Variants in PTPRC observed in about 807,000 individuals in gnomAD.
PTPRC encodes the protein receptor-type tyrosine-protein phosphatase C.
In PTPRC, 44 loss-of-function variants were observed where a neutral mutation model predicts 155.9. That is an observed-to-expected ratio of 0.28 (90% CI 0.22 to 0.36). The LOEUF is 0.36. Ranked by LOEUF, PTPRC falls within the 10% of genes least tolerant of loss-of-function variation. The pLI, the probability that PTPRC is intolerant of heterozygous loss-of-function variation, is 1.00. For synonymous variants in PTPRC, 525 were observed against 533.1 expected (o/e 0.98, Z 0.21); for missense variants, 1,401 against 1,564.6 (o/e 0.90, Z 1.76).
At chr1:198,706,990 A>G in intron 9 of PTPRC, 38 bp downstream of exon 9, 1 of 1,499,046 alleles carries the variant, frequency 6.7e-7, no homozygotes, top group Non-Finnish European at 9.3e-7. Context: ...AATTTATAAA[A>G]ACAGTACACT....
chr1:198,749,327 C>A, intron 27 of PTPRC, 89 bp from the exon 28 acceptor site: 3 of 1,338,336 alleles, frequency 2.2e-6, no homozygotes, highest in Non-Finnish European at 2.1e-6. Context: ...CAATCTGTCC[C>A]TTTTTAAATA....
At chr1:198,678,143 A>C (rs1357339596) in intron 2 of PTPRC, among the ~76,000 whole-genome samples, 1 of 152,240 alleles carries the variant, frequency 6.6e-6, no homozygotes, top group African/African-American at 2.4e-5. Context: ...CCATAGGCAC[A>C]AACTATAGCA....
chr1:198,691,299 C>T lies in PTPRC; in HGVS notation c.74-1048C>T, dbSNP rs771672687. ...AAATCTCAAGCAAATTCTGATTCAC[C>T]TCTCTACTCACTGTTTATTACTCTC... On this transcript the variant is annotated intron_variant, in intron 2 of 32. Coordinates refer to ENST00000442510, the MANE Select transcript of PTPRC (RefSeq NM_002838.5). Among the ~76,000 whole-genome samples the T allele has an allele frequency of 3.0e-4, 45 of 152,136 alleles. 1 individual carries two copies. The highest frequency in any genetic ancestry group is 6.8e-3 in the Middle Eastern group (2 of 294).
chr1:198,717,207 G>A (rs994832769), intron 13 of PTPRC, among the ~76,000 whole-genome samples: 1 of 152,156 alleles, frequency 6.6e-6, no homozygotes, highest in Non-Finnish European at 1.5e-5. Flanking sequence ...GTCTCATAAA[G>A]CATTAGCCTA....
chr1:198,750,829 C>T (rs1017048906), intron 29 of PTPRC, among the ~76,000 whole-genome samples: 1 of 151,924 alleles, frequency 6.6e-6, no homozygotes, highest in African/African-American at 2.4e-5. Flanking sequence ...CCTGTTTGTC[C>T]CCTCCAGTCT....
intron 2 of PTPRC, among the ~76,000 whole-genome samples, chr1:198,674,843 A>G (rs1181294525): frequency 6.6e-6 from 1 of 152,168 alleles, no homozygotes; most frequent in Non-Finnish European, 1.5e-5. Context: ...ACATTTGCCA[A>G]GGTTACATTT....
intron 12 of PTPRC, among the ~76,000 whole-genome samples, chr1:198,714,645 C>A (rs958343305): frequency 3.3e-5 from 5 of 152,204 alleles, no homozygotes; most frequent in Non-Finnish European, 7.3e-5. Context: ...CTCTAAACAG[C>A]GTGCTCCGCT....
Position 198,706,942 on chromosome 1 carries a change from T to A in PTPRC, c.894T>A (p.Asp298Glu), listed in dbSNP as rs781663658. 1 of 1,594,490 alleles carries A rather than the reference T, an allele frequency of 6.3e-7. No homozygotes were observed. ...CTAPDKTLILDVPPGVEKFQL... is the reference protein window; with the variant it reads ...CTAPDKTLILEVPPGVEKFQL... Reference sequence around the variant, plus strand: ...CTCCTGATAAGACATTAATATTAGATGTGCCACCAGGTAAATATCAATTTA... The same window carrying A: ...CTCCTGATAAGACATTAATATTAGAAGTGCCACCAGGTAAATATCAATTTA... The change falls in exon 9 of 33, where the codon GAT becomes GAA. Residue 298 changes from aspartate to glutamate, a missense_variant. Asp to Glu is a conservative substitution (Grantham distance 45). Transcript: ENST00000442510.
chr1:198,662,146 G>A (rs1242422730), intron 2 of PTPRC, among the ~76,000 whole-genome samples: 1 of 152,086 alleles, frequency 6.6e-6, no homozygotes, highest in Non-Finnish European at 1.5e-5. Flanking sequence ...ATGTATTGAT[G>A]TATTGGCTAT....
chr1:198,681,182 C>T (rs879893860), intron 2 of PTPRC, among the ~76,000 whole-genome samples: 390 of 152,092 alleles, frequency 2.6e-3, no homozygotes, highest in Admixed American at 4.4e-3. Flanking sequence ...TGATCCTTTT[C>T]AGGATTTATT....
chr1:198,728,242 A>C, intron 15 of PTPRC, 98 bp from the exon 16 acceptor site: 1 of 886,182 alleles, frequency 1.1e-6, no homozygotes, highest in Non-Finnish European at 1.7e-6. Context: ...CAATAAATTT[A>C]AAAATATTAA....
chr1:198,712,922 A>G (rs752692620), intron 11 of PTPRC, 31 bp from the exon 12 acceptor site: 3 of 1,594,976 alleles, frequency 1.9e-6, no homozygotes, highest in Non-Finnish European at 2.6e-6. Context: ...CTTATTTTTC[A>G]TATTACATAA....
chr1:198,739,852 TA>T (rs141418006), intron 23 of PTPRC, among the ~76,000 whole-genome samples: 35 of 151,338 alleles, frequency 2.3e-4, no homozygotes, highest in South Asian at 6.2e-4. Context: ...CTTACAAAAT[TA>T]AAAAAAAATT....
At chr1:198,694,326 TG>T (rs1038107429) in intron 3 of PTPRC, 9 of 31,972 alleles carry the variant, frequency 2.8e-4, no homozygotes, top group South Asian at 1.3e-3. Flanking sequence ...TGGGTGGGGG[TG>T]GGGGGGTTGG....
At chr1:198,699,985 A>G in intron 5 of PTPRC, 2 of 518,248 alleles carry the variant, frequency 3.9e-6, no homozygotes, top group Non-Finnish European at 6.9e-6. Context: ...GGCAATTACC[A>G]TTCTACAGGG....
At chr1:198,710,377 A>G (rs967848144) in intron 11 of PTPRC, among the ~76,000 whole-genome samples, 1 of 152,174 alleles carries the variant, frequency 6.6e-6, no homozygotes, top group East Asian at 1.9e-4. Context: ...AGTTCCCCCA[A>G]ATTGTTACTT....
At chr1:198,717,160 A>G (rs940785861) in intron 13 of PTPRC, among the ~76,000 whole-genome samples, 1 of 152,232 alleles carries the variant, frequency 6.6e-6, no homozygotes, top group Admixed American at 6.5e-5. Flanking sequence ...TGTCTTTACT[A>G]TCTGGAAATA....
chr1:198,663,213 GTACACCTGCTTCCCTCTA>G (rs1557977631), intron 2 of PTPRC, among the ~76,000 whole-genome samples: 1 of 152,208 alleles, frequency 6.6e-6, no homozygotes, highest in African/African-American at 2.4e-5. Context: ...ACCCTGCTGA[GTACACCTGCTTCCCTCTA>G]TTCCTTGCTG....
At chr1:198,686,423 A>G (rs1261940215) in intron 2 of PTPRC, among the ~76,000 whole-genome samples, 1 of 152,230 alleles carries the variant, frequency 6.6e-6, no homozygotes, top group Non-Finnish European at 1.5e-5. Context: ...CCTAGAAGAT[A>G]AAAGTCAAAG....
Sources: gnomAD v4.1 joint callset for allele counts (sites outside exome capture counted in the v4.1 genomes callset) on GRCh38, gnomAD v4.1.1 for gene constraint, MANE v1.5 for transcripts, NCBI Gene and HGNC (gene_info 2026-07-23, HGNC 2026-07-21) for gene names.